RIMS2: variants seen among roughly 807,000 people sequenced by gnomAD.
RIMS2 encodes regulating synaptic membrane exocytosis protein 2.
RIMS2 carries 59 observed loss-of-function variants against 174.4 expected under a neutral mutation model. That is an observed-to-expected ratio of 0.34 (90% CI 0.27 to 0.42). The LOEUF (loss-of-function observed/expected upper bound fraction) is 0.42, where lower values mean the gene tolerates loss of function less well. Ranked by LOEUF, RIMS2 falls within the 10% of genes least tolerant of loss-of-function variation. The pLI is 1.00. For synonymous variants in RIMS2, 606 were observed against 572.5 expected, an observed-to-expected ratio of 1.06 and a Z score of -0.84; for missense variants, 1,620 against 1,666.3, an observed-to-expected ratio of 0.97 and a Z score of 0.48.
chr8:103,998,205 G>A (rs760280243), intron 17 of RIMS2: 35 of 1,605,274 alleles, frequency 2.2e-5, no homozygotes, highest in Admixed American at 3.4e-5. Flanking sequence ...ACTCTACCTC[G>A]CTCCAGATAC....
intron 19 of RIMS2, among the ~76,000 whole-genome samples, chr8:104,162,136 G>A (rs2098766117): frequency 6.6e-6 from 1 of 152,088 alleles, no homozygotes; most frequent in Non-Finnish European, 1.5e-5. Context: ...CAGAGTCCAG[G>A]GTGCAGTGCA....
intron 1 of RIMS2, among the ~76,000 whole-genome samples, chr8:103,530,587 G>A (rs546040394): frequency 4.2e-4 from 64 of 152,204 alleles, no homozygotes; most frequent in South Asian, 8.3e-4. Context: ...CTTTGCAAGC[G>A]TTAAGCAAAA....
chr8:103,754,622 G>T (rs543839818), intron 2 of RIMS2, among the ~76,000 whole-genome samples: 2 of 152,092 alleles, frequency 1.3e-5, no homozygotes, highest in Non-Finnish European at 2.9e-5. Context: ...CCTGTATTGA[G>T]TATATATATA....
At chr8:103,506,559 A>G (rs564108571) in intron 1 of RIMS2, among the ~76,000 whole-genome samples, 2 of 152,180 alleles carry the variant, frequency 1.3e-5, no homozygotes, top group East Asian at 3.9e-4. Flanking sequence ...AATAACACCT[A>G]TTTTGAAGGA....
At chr8:103,801,241 C>T (rs552631778) in intron 3 of RIMS2, among the ~76,000 whole-genome samples, 3 of 152,332 alleles carry the variant, frequency 2.0e-5, no homozygotes, top group African/African-American at 7.2e-5. Context: ...CCCGCCTCCG[C>T]CTCCCAAAGT....
At chr8:103,766,087 C>T (rs1463019673) in intron 2 of RIMS2, 140 bp from the exon 6 acceptor site, 2 of 543,536 alleles carry the variant, frequency 3.7e-6, no homozygotes, top group African/African-American at 3.8e-5. Context: ...ATTTAATTTA[C>T]AGTAGCAGTG....
At chr8:103,693,209 C>A (rs1564310744) in intron 1 of RIMS2, among the ~76,000 whole-genome samples, 1 of 152,178 alleles carries the variant, frequency 6.6e-6, no homozygotes, top group Non-Finnish European at 1.5e-5. Flanking sequence ...ACTCTCCCTT[C>A]CATAAGTTCA....
intron 19 of RIMS2, among the ~76,000 whole-genome samples, chr8:104,037,476 C>T (rs2096539798): frequency 6.6e-6 from 1 of 152,076 alleles, no homozygotes; most frequent in African/African-American, 2.4e-5. Context: ...CAAGTGTATG[C>T]CTGTTGTAAA....
At chr8:103,961,272 A>T in intron 15 of RIMS2, 139 bp downstream of exon 17, 1 of 583,258 alleles carries the variant, frequency 1.7e-6, no homozygotes, top group South Asian at 2.3e-5. Context: ...ACCTATGACA[A>T]CTTAAACCCC....
intron 2 of RIMS2, among the ~76,000 whole-genome samples, chr8:103,748,048 T>C (rs2097843433): frequency 6.6e-6 from 1 of 152,100 alleles, no homozygotes; most frequent in Admixed American, 6.6e-5. Context: ...AAGAAGCACA[T>C]TTCGCAAAGG....
chr8:103,758,426 T>C (rs2098058660), intron 2 of RIMS2, among the ~76,000 whole-genome samples: 1 of 152,190 alleles, frequency 6.6e-6, no homozygotes, highest in African/African-American at 2.4e-5. Flanking sequence ...AAGTTACAAG[T>C]GTGTCCCACT....
intron 1 of RIMS2, among the ~76,000 whole-genome samples, chr8:103,648,598 C>T (rs1314962598): frequency 6.6e-6 from 1 of 152,102 alleles, no homozygotes; most frequent in East Asian, 1.9e-4. Context: ...TCTCTAAGAA[C>T]TTGCTTTATG....
At chr8:103,683,219 C>T (rs1394588136) in intron 1 of RIMS2, among the ~76,000 whole-genome samples, 1 of 152,210 alleles carries the variant, frequency 6.6e-6, no homozygotes, top group African/African-American at 2.4e-5. Context: ...AAGCCTGGCA[C>T]TGGCATCCGC....
chr8:103,603,442 A>G (rs200321079), intron 1 of RIMS2, among the ~76,000 whole-genome samples: 2 of 148,270 alleles, frequency 1.3e-5, no homozygotes, highest in South Asian at 2.1e-4. Flanking sequence ...ATTGTGAATA[A>G]TGCCACAATA....
intron 19 of RIMS2, among the ~76,000 whole-genome samples, chr8:104,065,434 C>A (rs2097088544): frequency 6.6e-6 from 1 of 151,922 alleles, no homozygotes; most frequent in Admixed American, 6.6e-5. Context: ...GATTATTTTT[C>A]TTAGATAGAG....
chr8:103,584,054 C>A (rs763232964), intron 1 of RIMS2, among the ~76,000 whole-genome samples: 1 of 151,890 alleles, frequency 6.6e-6, no homozygotes, highest in South Asian at 2.1e-4. Context: ...AATAAACTCC[C>A]AAAGGTCAAG....
At chr8:103,649,622 G>A (rs1010795681) in intron 1 of RIMS2, among the ~76,000 whole-genome samples, 1 of 150,854 alleles carries the variant, frequency 6.6e-6, no homozygotes, top group Non-Finnish European at 1.5e-5. Flanking sequence ...CATATTTTTT[G>A]GAGGTTTTGT....
intron 12 of RIMS2, among the ~76,000 whole-genome samples, 165 bp downstream of exon 14, chr8:103,931,558 G>A (rs1344655768): frequency 1.3e-5 from 2 of 151,888 alleles, no homozygotes; most frequent in South Asian, 4.2e-4. Flanking sequence ...CAGTAAATAA[G>A]ATTTTTTAAA....
At chr8:103,721,889 G>A (rs1030802015) in intron 2 of RIMS2, among the ~76,000 whole-genome samples, 1 of 152,152 alleles carries the variant, frequency 6.6e-6, no homozygotes, top group African/African-American at 2.4e-5. Context: ...AGGAGTCAAG[G>A]ATGACAACTA....
Sources: allele counts gnomAD v4.1 joint callset (sites outside exome capture counted in the v4.1 genomes callset), GRCh38; gene constraint gnomAD v4.1.1; transcripts MANE v1.5; gene names NCBI Gene and HGNC (gene_info 2026-07-23, HGNC 2026-07-21).